TMEM273: variants seen among roughly 807,000 people sequenced by gnomAD.
TMEM273 encodes chromosome 10 open reading frame 128.
Under a neutral mutation model 17.9 loss-of-function variants are expected in TMEM273, and 19 were observed. The ratio of observed to expected loss-of-function variants is 1.06; its 90% CI spans 0.74 to 1.55. The LOEUF (loss-of-function observed/expected upper bound fraction) is 1.55, where lower values mean the gene tolerates loss of function less well. Among genes scored for constraint, TMEM273 ranks in the 40% most tolerant of loss-of-function variants. The probability of loss-of-function intolerance (pLI) is 0.00; values close to 1 mark genes in which losing one functional copy is unlikely to be tolerated. For synonymous variants in TMEM273, 66 were observed against 62.0 expected, an observed-to-expected ratio of 1.07 and a Z score of -0.31; for missense variants, 194 against 155.6, an observed-to-expected ratio of 1.25 and a Z score of -1.31.
chr10:49,180,451 T>A (rs2377952), intron 1 of TMEM273, among the ~76,000 whole-genome samples: 1 of 152,150 alleles, frequency 6.6e-6, no homozygotes, highest in Non-Finnish European at 1.5e-5. Context: ...GTGTCAGTGG[T>A]GGCCAGAGAG....
intron 6 of TMEM273, chr10:49,156,236 A>C (rs1845498241): frequency 7.3e-7 from 1 of 1,374,696 alleles, no homozygotes; most frequent in Admixed American, 2.2e-5. Flanking sequence ...GTAGTTGGTG[A>C]ATTTGCACAG....
At position 49,155,547 on chromosome 10, in the gene TMEM273, C is replaced by G. The variant is rs1845459914; in HGVS notation, c.*345G>C. Reference sequence around the variant, plus strand: ...GGGTCGGATTCCCCTTTTCATGAGCCATTTTCTGTGGTAGGTTCCACGGAC... The same window carrying G: ...GGGTCGGATTCCCCTTTTCATGAGCGATTTTCTGTGGTAGGTTCCACGGAC... On this transcript the variant is annotated 3_prime_UTR_variant, in exon 7 of 7. Coordinates refer to ENST00000374153, the MANE Select transcript of TMEM273 (RefSeq NM_001288740.3). The G allele has an allele frequency of 2.8e-6, 1 of 359,686 alleles. No individual in the cohort carries two copies. The highest frequency in any genetic ancestry group is 2.1e-5 in the African/African-American group (1 of 47,826). 22.3% of individuals were successfully genotyped at this position (359,686 alleles called of 1,614,324 possible).
chr10:49,183,353 TTG>T lies in TMEM273; in HGVS notation c.43+4939_43+4940del, dbSNP rs3079989. 5.8e-3 allele frequency among the ~76,000 whole-genome samples: 857 copies of T among 148,768 alleles called. 7 individuals are homozygous for T. Among genetic ancestry groups the T allele is most frequent in the African/African-American group, 0.019 (773 of 40,238 alleles). ...TACCTCAATTGTTTCAGGAAACAAA[TTG>T]TGTGTGTGTGTGTGTGTGTGTGTAT... On this transcript the variant is annotated intron_variant, in intron 1 of 6. Transcript: ENST00000374153.
At chr10:49,181,830 G>A (rs201286805) in intron 1 of TMEM273, among the ~76,000 whole-genome samples, 5 of 69,718 alleles carry the variant, frequency 7.2e-5, no homozygotes, top group East Asian at 4.7e-4. Flanking sequence ...CGAAAAAAAA[G>A]ATTAATAAGT....
intron 1 of TMEM273, among the ~76,000 whole-genome samples, chr10:49,177,229 A>G (rs1259980986): frequency 6.6e-6 from 1 of 152,208 alleles, no homozygotes; most frequent in Admixed American, 6.5e-5. Context: ...AGAGGAAACC[A>G]CCAGGTGGAG....
intron 1 of TMEM273, among the ~76,000 whole-genome samples, chr10:49,170,884 T>C (rs1049627860): frequency 6.6e-6 from 1 of 152,186 alleles, no homozygotes; most frequent in Non-Finnish European, 1.5e-5. Context: ...CCCTGGGCCA[T>C]AGACCCCCTG....
chr10:49,187,187 C>T (rs907564095), intron 1 of TMEM273, among the ~76,000 whole-genome samples: 2 of 152,210 alleles, frequency 1.3e-5, no homozygotes, highest in South Asian at 2.1e-4. Context: ...AACCACCGTG[C>T]ACACCCTTAA....
intron 5 of TMEM273, among the ~76,000 whole-genome samples, chr10:49,163,253 T>C (rs772851041): frequency 6.6e-6 from 1 of 152,042 alleles, no homozygotes; most frequent in Non-Finnish European, 1.5e-5. Context: ...ATGTGACAAC[T>C]TCAGCCAATG....
chr10:49,165,085 C>A (rs1252804281), intron 5 of TMEM273, 120 bp downstream of exon 5: 9 of 1,371,178 alleles, frequency 6.6e-6, no homozygotes, highest in South Asian at 1.6e-5. Flanking sequence ...TAGAAAAAAA[C>A]CCATGCAAAA....
At chr10:49,163,731 G>A (rs558015352) in intron 5 of TMEM273, among the ~76,000 whole-genome samples, 2 of 152,254 alleles carry the variant, frequency 1.3e-5, no homozygotes, top group Admixed American at 1.3e-4. Context: ...AGAAACAGAA[G>A]GAGAGATGGG....
intron 1 of TMEM273, among the ~76,000 whole-genome samples, chr10:49,187,640 CTCTT>C (rs993245294): frequency 2.6e-5 from 4 of 152,152 alleles, no homozygotes; most frequent in Admixed American, 1.3e-4. Context: ...CTCTCTCTCT[CTCTT>C]TGAGTTTCTT....
chr10:49,155,845 T>C lies in TMEM273; in HGVS notation c.*47A>G. Reference sequence around the variant, plus strand: ...TCCTGAGATGTTAACCATGGGCTGTTTTCCACGGGGCTAGAACCCCTCTTC... The same window carrying C: ...TCCTGAGATGTTAACCATGGGCTGTCTTCCACGGGGCTAGAACCCCTCTTC... On this transcript the variant is annotated 3_prime_UTR_variant, in exon 7 of 7. Transcript: ENST00000374153. The C allele has an allele frequency of 6.2e-7, 1 of 1,614,056 alleles. No individual in the cohort carries two copies. The highest frequency in any genetic ancestry group is 1.3e-5 in the African/African-American group (1 of 75,034).
chr10:49,172,802 C>T (rs558092298), intron 1 of TMEM273, among the ~76,000 whole-genome samples: 51 of 152,310 alleles, frequency 3.3e-4, no homozygotes, highest in African/African-American at 1.2e-3. Flanking sequence ...GCAAGCACAC[C>T]ACCACCTGAG....
intron 1 of TMEM273, among the ~76,000 whole-genome samples, chr10:49,168,527 C>T (rs1463874405): frequency 6.6e-6 from 1 of 152,150 alleles, no homozygotes; most frequent in Non-Finnish European, 1.5e-5. Flanking sequence ...AGGCTCCATC[C>T]TAAAAGCTTC....
At chr10:49,167,877 C>A in intron 2 of TMEM273, 32 bp downstream of exon 2, 1 of 1,613,146 alleles carries the variant, frequency 6.2e-7, no homozygotes, top group Non-Finnish European at 8.5e-7. Context: ...GCCCCTGACC[C>A]TGTGCACAGA....
At chr10:49,166,682 A>G in intron 3 of TMEM273, 187 bp downstream of exon 3, 1 of 756,248 alleles carries the variant, frequency 1.3e-6, no homozygotes, top group Non-Finnish European at 2.2e-6. Context: ...AGATAGAGAC[A>G]GAAGAAAGAG....
rs139123100 is a variant in TMEM273, at chr10:49,157,254, G to A, written c.373-1345C>T. On this transcript the variant is annotated intron_variant, in intron 6 of 6. Transcript: ENST00000374153. The stretch of plus-strand genomic sequence containing the variant: ...ATGAAGTTGTTCTCTGACAGGTAGC[G>A]ATACCTCTGCAGATGGGTGTGTCAC... 6.6e-3 allele frequency among the ~76,000 whole-genome samples: 1,004 copies of A among 152,330 alleles called. 9 individuals are homozygous for A. Among genetic ancestry groups the A allele is most frequent in the Non-Finnish European group, 9.7e-3 (662 of 68,022 alleles).
chr10:49,165,712 C>A, intron 4 of TMEM273, 54 bp downstream of exon 4: 2 of 1,609,774 alleles, frequency 1.2e-6, no homozygotes, highest in South Asian at 1.1e-5. Context: ...GTGGCACGGT[C>A]AAGACAGGAG....
At chr10:49,179,624 T>A (rs1473068449) in intron 1 of TMEM273, among the ~76,000 whole-genome samples, 1 of 152,058 alleles carries the variant, frequency 6.6e-6, no homozygotes, top group African/African-American at 2.4e-5. Context: ...AAAACAAATA[T>A]AAAAAGACCC....
Sources: allele counts gnomAD v4.1 joint callset (sites outside exome capture counted in the v4.1 genomes callset), GRCh38; gene constraint gnomAD v4.1.1; transcripts MANE v1.5; gene names NCBI Gene and HGNC (gene_info 2026-07-23, HGNC 2026-07-21).